Variants in ARMCX4 observed in about 807,000 individuals in gnomAD.
ARMCX4 encodes armadillo repeat containing X-linked 4, also known as armadillo repeat-containing X-linked protein 4.
In ARMCX4, 3 loss-of-function variants were observed where a neutral mutation model predicts 34.7. The observed-to-expected ratio is 0.09, with a 90% CI of 0.04 to 0.22. The LOEUF (loss-of-function observed/expected upper bound fraction) is 0.22. Ranked by LOEUF, ARMCX4 falls within the 10% of genes least tolerant of loss-of-function variation. The pLI is 1.00. For missense variants in ARMCX4, 1,448 were observed against 1,720.8 expected (o/e 0.84, Z 2.81); for synonymous variants, 513 against 632.8 (o/e 0.81, Z 2.84).
chrX:101,428,857 T>C (rs899411868), intron 2 of ARMCX4, among the ~76,000 whole-genome samples: 7 of 104,481 alleles, frequency 6.7e-5, no homozygotes, highest in Non-Finnish European at 1.2e-4. Context: ...CACTTCTGTT[T>C]TGGTATTTCT....
chrX:101,438,679 G>A (rs1431520365), intron 2 of ARMCX4, among the ~76,000 whole-genome samples: 1 of 111,677 alleles, frequency 9.0e-6, no homozygotes, highest in Non-Finnish European at 1.9e-5. Context: ...ATATATTTAC[G>A]ATAGTTAGCT....
intron 2 of ARMCX4, among the ~76,000 whole-genome samples, chrX:101,486,324 A>C (rs1933710278): frequency 9.0e-6 from 1 of 111,375 alleles, no homozygotes; most frequent in South Asian, 3.7e-4. Flanking sequence ...AATATTGAGA[A>C]AAAGATAAAT....
chrX:101,513,391 A>T (rs1934638701), intron 11 of ARMCX4, among the ~76,000 whole-genome samples: 1 of 111,689 alleles, frequency 9.0e-6, no homozygotes, highest in African/African-American at 3.3e-5. Context: ...CATGATACAG[A>T]TATCCTGTGT....
chrX:101,488,134 C>T, intron 5 of ARMCX4, 35 bp downstream of exon 5: 1 of 592,755 alleles, frequency 1.7e-6, no homozygotes, highest in African/African-American at 2.3e-5. Context: ...AGACAGGTGA[C>T]CAGAGTAGGT....
At chrX:101,464,867 T>C in intron 4 of ARMCX4, among the ~76,000 whole-genome samples, 1 of 111,807 alleles carries the variant, frequency 8.9e-6, no homozygotes, top group Non-Finnish European at 1.9e-5. Context: ...ATAGAAAATC[T>C]CACAGGCTTT....
chrX:101,441,413 C>G (rs1199297799), intron 2 of ARMCX4, among the ~76,000 whole-genome samples: 1 of 110,731 alleles, frequency 9.0e-6, no homozygotes, highest in African/African-American at 3.3e-5. Flanking sequence ...AGCCAACTTA[C>G]CATCTCCTTC....
chrX:101,440,057 T>G (rs6616241), intron 2 of ARMCX4, among the ~76,000 whole-genome samples: 53,157 of 109,823 alleles, frequency 0.48, 10,493 homozygotes, highest in Non-Finnish European at 0.62. Context: ...GGCGCTCTGA[T>G]TTTTAGAGTT....
chrX:101,529,413 G>A (rs1261857342), intron 11 of ARMCX4, among the ~76,000 whole-genome samples: 1 of 111,712 alleles, frequency 9.0e-6, no homozygotes, highest in African/African-American at 3.3e-5. Flanking sequence ...CATTCAGGAC[G>A]TAGGCATAGT....
chrX:101,462,293 A>G (rs1158344490), intron 4 of ARMCX4, among the ~76,000 whole-genome samples: 2 of 111,722 alleles, frequency 1.8e-5, no homozygotes, highest in African/African-American at 6.5e-5. Context: ...AATTTAATTT[A>G]CACATACACC....
At chrX:101,435,391 A>G (rs1169773570) in intron 2 of ARMCX4, among the ~76,000 whole-genome samples, 3 of 111,617 alleles carry the variant, frequency 2.7e-5, no homozygotes, top group Non-Finnish European at 3.8e-5. Context: ...ATGGCCAGTG[A>G]TGATGAGCAT....
intron 4 of ARMCX4, among the ~76,000 whole-genome samples, chrX:101,478,925 A>G (rs1184668405): frequency 9.0e-6 from 1 of 111,450 alleles, no homozygotes; most frequent in Non-Finnish European, 1.9e-5. Flanking sequence ...AATGAAAAAG[A>G]AGAAATTAAA....
downstream of ARMCX4, among the ~76,000 whole-genome samples, chrX:101,533,893 G>A (rs1394030300): frequency 9.0e-6 from 1 of 110,955 alleles, no homozygotes; most frequent in Non-Finnish European, 1.9e-5. Context: ...GGAAAGGAAG[G>A]GGCAGGCAAG....
intron 4 of ARMCX4, among the ~76,000 whole-genome samples, chrX:101,471,583 G>A (rs1249691904): frequency 3.6e-5 from 4 of 111,909 alleles, no homozygotes; most frequent in Non-Finnish European, 7.5e-5. Flanking sequence ...GAGAGCAGTG[G>A]TTCTCCCAGC....
Position 101,527,124 on chromosome X carries a change from C to A in ARMCX4, c.*1781-4520C>A, listed in dbSNP as rs782436748. 3.6e-5 allele frequency among the ~76,000 whole-genome samples: 4 copies of A among 112,255 alleles called. No homozygotes were observed. In the East Asian group the frequency reaches 8.4e-4, roughly 24 times the overall value. The stretch of plus-strand genomic sequence containing the variant: ...AAATGTAAAAGAACAGAAATCATAA[C>A]AAGCTGTCTCTCAGATCACAGTGCA... On this transcript the variant is annotated intron_variant and NMD_transcript_variant, in intron 11 of 12. Transcript: ENST00000354842.
chrX:101,528,750 A>G (rs782144599), intron 11 of ARMCX4, among the ~76,000 whole-genome samples: 1 of 111,260 alleles, frequency 9.0e-6, no homozygotes, highest in East Asian at 2.8e-4. Context: ...CAAAGAGGAT[A>G]AAATACCTAG....
chrX:101,455,291 A>G (rs781889649), intron 4 of ARMCX4, among the ~76,000 whole-genome samples: 40 of 112,084 alleles, frequency 3.6e-4, no homozygotes, highest in Middle Eastern at 4.6e-3. Context: ...ATTACAGAAC[A>G]CATTTAATTT....
At chrX:101,515,445 TCCTTCCTTCCTTCCTTCCTTCCTC>T (rs1934713551) in intron 11 of ARMCX4, among the ~76,000 whole-genome samples, 1 of 45,380 alleles carries the variant, frequency 2.2e-5, no homozygotes, top group African/African-American at 9.3e-5. Context: ...CTTCCTTCCT[TCCTTCCTTCCTTCCTTCCTTCCTC>T]CCTCCCTCCC....
chrX:101,472,523 A>T (rs1210640926), intron 4 of ARMCX4, among the ~76,000 whole-genome samples: 1 of 68,110 alleles, frequency 1.5e-5, no homozygotes, highest in Non-Finnish European at 2.6e-5. Context: ...ACCAAAGTTG[A>T]AATGAAGGAA....
At chrX:101,446,953 C>CAA (rs140484288), downstream of ARMCX4, among the ~76,000 whole-genome samples, 1 of 96,186 alleles carries the variant, frequency 1.0e-5, no homozygotes, top group African/African-American at 3.9e-5. Context: ...GACTCCGTCT[C>CAA]AAAAAAAAAA....
Sources: allele counts gnomAD v4.1 joint callset (sites outside exome capture counted in the v4.1 genomes callset), GRCh38; gene constraint gnomAD v4.1.1; transcripts MANE v1.5; gene names NCBI Gene and HGNC (gene_info 2026-07-23, HGNC 2026-07-21).